PGGT1B: variants seen among roughly 807,000 people sequenced by gnomAD.
PGGT1B encodes the protein protein geranylgeranyltransferase type I subunit beta, also known as geranylgeranyl transferase type-1 subunit beta.
In PGGT1B, 30 loss-of-function variants were observed where a neutral mutation model predicts 46.1. The ratio of observed to expected loss-of-function variants is 0.65; its 90% confidence interval spans 0.49 to 0.88. PGGT1B has a LOEUF of 0.88. Among genes scored for constraint, PGGT1B ranks in the 40% least tolerant of loss-of-function variants. The pLI, the probability that PGGT1B is intolerant of heterozygous loss-of-function variation, is 0.00. For missense variants in PGGT1B, 376 were observed against 455.9 expected, an observed-to-expected ratio of 0.82 and a Z score of 1.60; for synonymous variants, 170 against 160.0, an observed-to-expected ratio of 1.06 and a Z score of -0.47.
rs1231154068 is a variant in PGGT1B, at chr5:115,206,884, GTTA to G, written c.*5515_*5517del. ...CCTCTAATTCTTTTCAGTTTCCATG[GTTA>G]TTCTAGTATGTTCTCTCAAATAACA... On this transcript the variant is annotated 3_prime_UTR_variant, in exon 9 of 9. Transcript: ENST00000419445. 1 of 151,690 alleles carries G rather than the reference GTTA, an allele frequency of 6.6e-6. No homozygotes were observed. The highest frequency in any genetic ancestry group is 1.5e-5 in the Non-Finnish European group (1 of 67,820). The allele number at this position is 151,690 out of a possible 1,614,324, so 9.4% of individuals were successfully genotyped here.
At chr5:115,242,965 GA>G (rs10551500) in intron 2 of PGGT1B, among the ~76,000 whole-genome samples, 1,962 of 146,900 alleles carry the variant, frequency 0.013, 13 homozygotes, top group African/African-American at 0.025. Context: ...AAACTGTCTT[GA>G]AAAAAAAAAA....
chr5:115,259,898 CAG>C (rs1748482753), intron 1 of PGGT1B, among the ~76,000 whole-genome samples: 1 of 151,996 alleles, frequency 6.6e-6, no homozygotes, highest in Non-Finnish European at 1.5e-5. Flanking sequence ...GTAAAAATAA[CAG>C]AAAATTGTCA....
rs1756119006 is a variant in PGGT1B at position 115,208,179 on chromosome 5, C to T, written c.*4223G>A. 6.6e-6 allele frequency: 1 copy of T among 151,484 alleles called. No homozygotes were observed. The highest frequency in any genetic ancestry group is 1.5e-5 in the Non-Finnish European group (1 of 67,826). 9.4% of individuals were successfully genotyped at this position (151,484 alleles called of 1,614,324 possible). Reference sequence around the variant, plus strand: ...TTGCTCTATATTTTCTTTTTGGTACCATCTTTGTCAGGTTTTTGAATCAAT... The same window carrying T: ...TTGCTCTATATTTTCTTTTTGGTACTATCTTTGTCAGGTTTTTGAATCAAT... On this transcript the variant is annotated 3_prime_UTR_variant, in exon 9 of 9. Transcript: ENST00000419445.
At chr5:115,239,812 G>C (rs952256672) in intron 3 of PGGT1B, among the ~76,000 whole-genome samples, 9 of 152,180 alleles carry the variant, frequency 5.9e-5, no homozygotes, top group South Asian at 4.1e-4. Context: ...AAATTTGCTA[G>C]AGAGCATGGG....
intron 1 of PGGT1B, among the ~76,000 whole-genome samples, chr5:115,262,116 C>T (rs1748582814): frequency 6.6e-6 from 1 of 152,222 alleles, no homozygotes; most frequent in African/African-American, 2.4e-5. Context: ...TTCTTCTCAT[C>T]CCCAGCTTTT....
chr5:115,237,783 A>G, intron 4 of PGGT1B, 75 bp downstream of exon 4: 2 of 1,252,050 alleles, frequency 1.6e-6, no homozygotes, highest in Non-Finnish European at 2.3e-6. Context: ...AAGATCTAGT[A>G]TAGTACTGTA....
intron 2 of PGGT1B, among the ~76,000 whole-genome samples, chr5:115,249,817 A>G (rs1748012605): frequency 6.6e-6 from 1 of 152,160 alleles, no homozygotes; most frequent in Non-Finnish European, 1.5e-5. Context: ...ATAGAGCTCT[A>G]CCTTATTTAC....
At chr5:115,212,639 A>T in intron 8 of PGGT1B, 56 bp from the exon 9 acceptor site, 1 of 1,205,440 alleles carries the variant, frequency 8.3e-7, no homozygotes, top group East Asian at 2.4e-5. Context: ...TACATTCTAC[A>T]GAATATTTTA....
intron 2 of PGGT1B, among the ~76,000 whole-genome samples, chr5:115,251,004 T>G (rs1018887712): frequency 6.6e-6 from 1 of 152,184 alleles, no homozygotes; most frequent in Non-Finnish European, 1.5e-5. Context: ...CCTTTATCCA[T>G]TATACTGAAG....
Position 115,204,207 on chromosome 5 carries a change from A to G in PGGT1B, c.*8195T>C, listed in dbSNP as rs1375225704. 6.6e-6 allele frequency: 1 copy of G among 152,122 alleles called. No individual in the cohort carries two copies. The highest frequency in any genetic ancestry group is 1.5e-5 in the Non-Finnish European group (1 of 68,020). 9.4% of individuals were successfully genotyped at this position (152,122 alleles called of 1,614,324 possible). A position where few individuals can be genotyped will look rare whatever the true frequency, so the allele number is the denominator to read the frequency against. On this transcript the variant is annotated 3_prime_UTR_variant, in exon 9 of 9. Coordinates refer to ENST00000419445, the MANE Select transcript of PGGT1B (RefSeq NM_005023.4). Reference sequence around the variant, plus strand: ...CTACCCAAGCTGCTTTTTCTCTATCAGTGATTGGTTCTCAACTTTGAATGT... The same window carrying G: ...CTACCCAAGCTGCTTTTTCTCTATCGGTGATTGGTTCTCAACTTTGAATGT...
At chr5:115,236,679 A>G (rs1214417324) in intron 4 of PGGT1B, among the ~76,000 whole-genome samples, 157 bp from the exon 5 acceptor site, 2 of 152,126 alleles carry the variant, frequency 1.3e-5, no homozygotes, top group Non-Finnish European at 2.9e-5. Flanking sequence ...TATTCAATAA[A>G]GAATAAGACT....
chr5:115,210,058 A>G lies in PGGT1B; in HGVS notation c.*2344T>C, dbSNP rs1756178169. 6.6e-6 allele frequency: 1 copy of G among 152,140 alleles called. No individual in the cohort carries two copies. The highest frequency in any genetic ancestry group is 2.4e-5 in the African/African-American group (1 of 41,454). 9.4% of individuals were successfully genotyped at this position (152,140 alleles called of 1,614,324 possible). A position where few individuals can be genotyped will look rare whatever the true frequency, so the allele number is the denominator to read the frequency against. On this transcript the variant is annotated 3_prime_UTR_variant, in exon 9 of 9. Coordinates refer to ENST00000419445, the MANE Select transcript of PGGT1B (RefSeq NM_005023.4). ...TTAGATTAAATATAAATAACTAAAG[A>G]TCTAATAACACATATATATTATAGA...
chr5:115,252,599 C>T (rs1015939393), intron 2 of PGGT1B, among the ~76,000 whole-genome samples: 4 of 151,882 alleles, frequency 2.6e-5, no homozygotes, highest in African/African-American at 4.8e-5. Context: ...CAGTTGATTA[C>T]GTAATTTATG....
Position 115,206,082 on chromosome 5 carries a change from A to T in PGGT1B, c.*6320T>A, listed in dbSNP as rs1202318923. 4 of 151,972 alleles carry T rather than the reference A, an allele frequency of 2.6e-5. No homozygotes were observed. The highest frequency in any genetic ancestry group is 1.3e-4 in the Admixed American group (2 of 15,252). 9.4% of individuals were successfully genotyped at this position (151,972 alleles called of 1,614,324 possible). A position where few individuals can be genotyped will look rare whatever the true frequency, so the allele number is the denominator to read the frequency against. ...ATAATACATTGTTGAATGAAAAAAA[A>T]CCATGGAATATTTAGTACCTCAGAT... On this transcript the variant is annotated 3_prime_UTR_variant, in exon 9 of 9. Transcript: ENST00000419445.
intron 1 of PGGT1B, among the ~76,000 whole-genome samples, chr5:115,261,313 T>C (rs535236739): frequency 6.6e-6 from 1 of 152,340 alleles, no homozygotes; most frequent in East Asian, 1.9e-4. Flanking sequence ...CTTTCTTTTG[T>C]GAGAATCTGT....
chr5:115,224,386 C>CT (rs1474408617), intron 6 of PGGT1B, among the ~76,000 whole-genome samples: 7 of 152,186 alleles, frequency 4.6e-5, no homozygotes, highest in Non-Finnish European at 1.0e-4. Context: ...GAAAAACACT[C>CT]TTTACTTTGT....
At chr5:115,217,768 A>T (rs1756465332) in intron 7 of PGGT1B, among the ~76,000 whole-genome samples, 1 of 152,036 alleles carries the variant, frequency 6.6e-6, no homozygotes, top group African/African-American at 2.4e-5. Context: ...AACAGGAAAC[A>T]AATTTATTCA....
At chr5:115,235,020 C>A (rs763730195) in intron 5 of PGGT1B, among the ~76,000 whole-genome samples, 21 of 151,852 alleles carry the variant, frequency 1.4e-4, no homozygotes, top group Non-Finnish European at 3.1e-4. Context: ...CAAGAATAAC[C>A]AAGGCTCCTC....
chr5:115,255,718 A>AT (rs1748282292), intron 1 of PGGT1B, among the ~76,000 whole-genome samples: 1 of 152,102 alleles, frequency 6.6e-6, no homozygotes, highest in Non-Finnish European at 1.5e-5. Flanking sequence ...ACAAGTTGGC[A>AT]TTTTTTTCAA....
Sources: allele counts gnomAD v4.1 joint callset (sites outside exome capture counted in the v4.1 genomes callset), GRCh38; gene constraint gnomAD v4.1.1; transcripts MANE v1.5; gene names NCBI Gene and HGNC (gene_info 2026-07-23, HGNC 2026-07-21).